Variants in ABTB3 observed in about 807,000 individuals in gnomAD.
ABTB3 encodes the protein ankyrin repeat- and BTB/POZ domain-containing protein 3.
chr12:107,502,765 G>A, the ABTB3 span, among the ~76,000 whole-genome samples: 1 of 152,070 alleles, frequency 6.6e-6, no homozygotes, highest in Non-Finnish European at 1.5e-5. Flanking sequence ...AAGTGTGCAC[G>A]CGAGGGATCT....
At chr12:107,452,584 C>T in the ABTB3 span, among the ~76,000 whole-genome samples, 2 of 152,002 alleles carry the variant, frequency 1.3e-5, no homozygotes, top group South Asian at 4.2e-4. Context: ...GGCGCAGTGG[C>T]TCACACCTGT....
At chr12:107,511,191 A>G in the ABTB3 span, among the ~76,000 whole-genome samples, 1 of 152,222 alleles carries the variant, frequency 6.6e-6, no homozygotes, top group East Asian at 1.9e-4. Context: ...GCAGTCGGGA[A>G]TTGCCTGGAA....
At chr12:107,504,790 A>G in the ABTB3 span, among the ~76,000 whole-genome samples, 1 of 152,236 alleles carries the variant, frequency 6.6e-6, no homozygotes, top group Non-Finnish European at 1.5e-5. Context: ...CATCCCTGGG[A>G]CAGGACAAAT....
the ABTB3 span, among the ~76,000 whole-genome samples, chr12:107,338,391 A>G: frequency 6.6e-6 from 1 of 152,242 alleles, no homozygotes; most frequent in African/African-American, 2.4e-5. Context: ...GGTAGGCGTT[A>G]GTATCCTAAT....
At chr12:107,659,106 G>A in the ABTB3 span, 8 of 152,166 alleles carry the variant, frequency 5.3e-5, no homozygotes, top group Admixed American at 5.2e-4. Context: ...TACCCTTGGG[G>A]ACAGCCAAGT....
At chr12:107,332,415 T>G in the ABTB3 span, among the ~76,000 whole-genome samples, 1 of 152,138 alleles carries the variant, frequency 6.6e-6, no homozygotes, top group African/African-American at 2.4e-5. Flanking sequence ...GTTTTACAGA[T>G]GAGGACACCT....
chr12:107,493,426 C>A, the ABTB3 span, among the ~76,000 whole-genome samples: 5 of 152,166 alleles, frequency 3.3e-5, no homozygotes, highest in East Asian at 5.8e-4. Flanking sequence ...TCCCAGCAAA[C>A]GGAGCTTGCA....
chr12:107,472,324 T>C, the ABTB3 span, among the ~76,000 whole-genome samples: 1 of 152,080 alleles, frequency 6.6e-6, no homozygotes, highest in Non-Finnish European at 1.5e-5. Flanking sequence ...AGCTTATAAA[T>C]CGGCAAACGG....
the ABTB3 span, among the ~76,000 whole-genome samples, chr12:107,357,611 TA>T: frequency 5.2e-4 from 79 of 152,220 alleles, no homozygotes; most frequent in African/African-American, 1.8e-3. Flanking sequence ...ATTCTATCTC[TA>T]AAAAAATAAA....
chr12:107,337,416 G>A, the ABTB3 span, among the ~76,000 whole-genome samples: 1 of 152,172 alleles, frequency 6.6e-6, no homozygotes, highest in African/African-American at 2.4e-5. Flanking sequence ...AAGGAAACAA[G>A]GCTTTGTTCT....
At chr12:107,463,250 ATGATGG>A in the ABTB3 span, among the ~76,000 whole-genome samples, 5 of 150,342 alleles carry the variant, frequency 3.3e-5, no homozygotes, top group Non-Finnish European at 7.4e-5. Context: ...AGTGATGGTG[ATGATGG>A]TGATGGTGAT....
the ABTB3 span, among the ~76,000 whole-genome samples, chr12:107,380,790 TG>T: frequency 6.6e-6 from 1 of 152,226 alleles, no homozygotes; most frequent in East Asian, 1.9e-4. Flanking sequence ...GCAAGAGGAA[TG>T]TTTTAGAACA....
At chr12:107,600,827 G>A in the ABTB3 span, among the ~76,000 whole-genome samples, 10 of 152,332 alleles carry the variant, frequency 6.6e-5, no homozygotes, top group African/African-American at 2.4e-4. Flanking sequence ...AGCCACGGCA[G>A]AGCTCTCACG....
the ABTB3 span, among the ~76,000 whole-genome samples, chr12:107,560,826 G>A: frequency 7.2e-5 from 11 of 152,334 alleles, no homozygotes; most frequent in South Asian, 2.3e-3. Context: ...CAAGTCTACA[G>A]ATGAGGAAAA....
chr12:107,529,399 G>A, the ABTB3 span, among the ~76,000 whole-genome samples: 1 of 151,832 alleles, frequency 6.6e-6, no homozygotes, highest in African/African-American at 2.4e-5. Flanking sequence ...TGATGATGAT[G>A]GTGATGATGA....
the ABTB3 span, among the ~76,000 whole-genome samples, chr12:107,331,326 G>A: frequency 6.6e-6 from 1 of 152,226 alleles, no homozygotes; most frequent in Non-Finnish European, 1.5e-5. Context: ...GGAGCTTGCA[G>A]GCTTGAGGCG....
At chr12:107,612,847 C>T in the ABTB3 span, 1 of 1,613,552 alleles carries the variant, frequency 6.2e-7, no homozygotes, top group Admixed American at 1.7e-5. Flanking sequence ...CTGCTGGATG[C>T]CGGAGCTGAC....
At chr12:107,372,922 G>C in the ABTB3 span, among the ~76,000 whole-genome samples, 1 of 152,176 alleles carries the variant, frequency 6.6e-6, no homozygotes, top group Non-Finnish European at 1.5e-5. Context: ...GCCGGGAGCA[G>C]GGTTTATCAA....
chr12:107,603,895 C>T, the ABTB3 span, among the ~76,000 whole-genome samples: 4 of 152,276 alleles, frequency 2.6e-5, no homozygotes, highest in East Asian at 3.9e-4. Context: ...GAGGGCCGGG[C>T]GTGGTGGCTC....
Sources: allele counts gnomAD v4.1 joint callset (sites outside exome capture counted in the v4.1 genomes callset), GRCh38; gene constraint gnomAD v4.1.1; transcripts MANE v1.5; gene names NCBI Gene and HGNC (gene_info 2026-07-23, HGNC 2026-07-21).